TOM1L2: variants seen among roughly 807,000 people sequenced by gnomAD.
TOM1L2 encodes the protein TOM1-like protein 2.
Under a neutral mutation model 67.9 loss-of-function variants are expected in TOM1L2, and 31 were observed. That is an observed-to-expected ratio of 0.46 (90% CI 0.34 to 0.62). The LOEUF (loss-of-function observed/expected upper bound fraction) is 0.62, where lower values mean the gene tolerates loss of function less well. Ranked by LOEUF, TOM1L2 falls within the 20% of genes least tolerant of loss-of-function variation. The pLI is 0.01. For missense variants in TOM1L2, 606 were observed against 663.5 expected (o/e 0.91, Z 0.95); for synonymous variants, 256 against 254.0 (o/e 1.01, Z -0.07).
At chr17:17,905,168 G>A (rs1386526715) in intron 2 of TOM1L2, among the ~76,000 whole-genome samples, 1 of 152,212 alleles carries the variant, frequency 6.6e-6, no homozygotes, top group Non-Finnish European at 1.5e-5. Context: ...CAGGCACCAA[G>A]CTGATCACCT....
At chr17:17,929,304 G>C (rs1404928055) in intron 1 of TOM1L2, among the ~76,000 whole-genome samples, 1 of 152,206 alleles carries the variant, frequency 6.6e-6, no homozygotes, top group Non-Finnish European at 1.5e-5. Flanking sequence ...GCTTTGAGCA[G>C]CAGGCTTTGG....
intron 1 of TOM1L2, among the ~76,000 whole-genome samples, chr17:17,958,177 C>G (rs1597466332): frequency 6.6e-6 from 1 of 152,104 alleles, no homozygotes; most frequent in East Asian, 1.9e-4. Flanking sequence ...AAAGCTTGTT[C>G]AACCTCTGTT....
At chr17:17,906,326 A>G (rs1471279654) in intron 2 of TOM1L2, among the ~76,000 whole-genome samples, 1 of 151,490 alleles carries the variant, frequency 6.6e-6, no homozygotes, top group Non-Finnish European at 1.5e-5. Flanking sequence ...ACAAGATTCA[A>G]CCGTGTTGCC....
chr17:17,893,815 T>C lies in TOM1L2; in HGVS notation c.217-5A>G. On this transcript the variant is annotated splice_polypyrimidine_tract_variant and splice_region_variant and intron_variant, in intron 3 of 14. Transcript: ENST00000379504. ...CTTCACACATGTCTCCAGCACCTGA[T>C]GTGGGGAGGGAAGGAAAAGGGTCAC... 1 of 1,613,376 alleles carries C rather than the reference T, an allele frequency of 6.2e-7. No homozygotes were observed. The highest frequency in any genetic ancestry group is 8.5e-7 in the Non-Finnish European group (1 of 1,179,598).
chr17:17,958,994 G>A (rs1374019146), intron 1 of TOM1L2, among the ~76,000 whole-genome samples: 2 of 152,150 alleles, frequency 1.3e-5, no homozygotes, highest in African/African-American at 4.8e-5. Context: ...ACACATAAAG[G>A]TGCTGGGAGG....
intron 12 of TOM1L2, among the ~76,000 whole-genome samples, chr17:17,860,495 G>A (rs563353415): frequency 3.3e-5 from 5 of 152,322 alleles, no homozygotes; most frequent in African/African-American, 1.2e-4. Flanking sequence ...AGCATCCCGT[G>A]GAAACCAGCA....
intron 10 of TOM1L2, among the ~76,000 whole-genome samples, chr17:17,865,867 C>T (rs1171977357): frequency 1.3e-5 from 2 of 151,504 alleles, no homozygotes; most frequent in African/African-American, 2.4e-5. Context: ...GCCGCAGCCT[C>T]CCGAGTAGTT....
chr17:17,887,673 A>G (rs1346216104), intron 4 of TOM1L2, among the ~76,000 whole-genome samples: 1 of 152,126 alleles, frequency 6.6e-6, no homozygotes, highest in African/African-American at 2.4e-5. Context: ...ATGGGGTTTC[A>G]TCATGTGGCC....
intron 12 of TOM1L2, among the ~76,000 whole-genome samples, chr17:17,855,174 G>C (rs1252313019): frequency 6.6e-6 from 1 of 152,208 alleles, no homozygotes. Flanking sequence ...TTCTCACTTG[G>C]AACTGCAGGC....
chr17:17,958,547 C>T (rs1165885682), intron 1 of TOM1L2, among the ~76,000 whole-genome samples: 1 of 152,150 alleles, frequency 6.6e-6, no homozygotes, highest in Non-Finnish European at 1.5e-5. Flanking sequence ...CTTACTACCC[C>T]ATGCTTACCC....
intron 1 of TOM1L2, among the ~76,000 whole-genome samples, chr17:17,951,275 T>G (rs1249413823): frequency 1.3e-5 from 2 of 152,106 alleles, no homozygotes; most frequent in Admixed American, 6.5e-5. Context: ...AGATCTGAGA[T>G]CCAGTCTCTG....
chr17:17,970,288 T>C (rs1054148469), intron 1 of TOM1L2, among the ~76,000 whole-genome samples: 1 of 151,826 alleles, frequency 6.6e-6, no homozygotes, highest in African/African-American at 2.4e-5. Flanking sequence ...ATGGTCTCGA[T>C]CTCCTGACCT....
At chr17:17,956,919 C>G (rs549143978) in intron 1 of TOM1L2, among the ~76,000 whole-genome samples, 1 of 152,332 alleles carries the variant, frequency 6.6e-6, no homozygotes, top group South Asian at 2.1e-4. Flanking sequence ...GGGGTTCTCA[C>G]AGTGCAGCGG....
Position 17,861,527 on chromosome 17 carries a change from A to G in TOM1L2, c.1227T>C (p.Ala409=). ...RKTVTYEDPQ[A]VGGLASALDN... ...CTAGTGCAGAAGCAAGTCCTCCGAC[A>G]GCCTGAGGATCCTCATAGGTTACCC... The change falls in exon 12 of 15, where the codon GCT becomes GCC. Residue 409 remains alanine, a synonymous_variant. Coordinates refer to ENST00000379504, the MANE Select transcript of TOM1L2 (RefSeq NM_001082968.2). The G allele has an allele frequency of 6.2e-7, 1 of 1,614,112 alleles. No individual in the cohort carries two copies. Among genetic ancestry groups the G allele is most frequent in the South Asian group, 1.1e-5 (1 of 91,086 alleles).
At chr17:17,945,837 C>T (rs185936983) in intron 1 of TOM1L2, among the ~76,000 whole-genome samples, 1 of 152,016 alleles carries the variant, frequency 6.6e-6, no homozygotes, top group African/African-American at 2.4e-5. Flanking sequence ...CTGCCACCAC[C>T]CTAATTCAAT....
chr17:17,873,760 C>T (rs2037272915), intron 7 of TOM1L2, among the ~76,000 whole-genome samples: 1 of 152,312 alleles, frequency 6.6e-6, no homozygotes, highest in Middle Eastern at 3.4e-3. Context: ...CTGCTTCTCC[C>T]TGGGTAAAAT....
chr17:17,901,547 A>G (rs1281361075), intron 2 of TOM1L2, among the ~76,000 whole-genome samples: 1 of 152,124 alleles, frequency 6.6e-6, no homozygotes, highest in Non-Finnish European at 1.5e-5. Flanking sequence ...CAGCCTTTGT[A>G]TCTTTGTCCT....
intron 1 of TOM1L2, among the ~76,000 whole-genome samples, chr17:17,931,213 C>T (rs769508253): frequency 6.6e-6 from 1 of 152,092 alleles, no homozygotes; most frequent in African/African-American, 2.4e-5. Flanking sequence ...TATTTTTACC[C>T]ATCCTATCCT....
chr17:17,858,976 G>A (rs1333878085), intron 12 of TOM1L2: 1 of 152,296 alleles, frequency 6.6e-6, no homozygotes, highest in Non-Finnish European at 1.5e-5. Context: ...TGGGATTACA[G>A]GCGTGAGCCA....
Sources: gnomAD v4.1 joint callset for allele counts (sites outside exome capture counted in the v4.1 genomes callset) on GRCh38, gnomAD v4.1.1 for gene constraint, MANE v1.5 for transcripts, NCBI Gene and HGNC (gene_info 2026-07-23, HGNC 2026-07-21) for gene names.